NAV1: variants seen among roughly 807,000 people sequenced by gnomAD.
NAV1 encodes pore membrane and/or filament interacting like protein 3.
In NAV1, 18 loss-of-function variants were observed where a neutral mutation model predicts 175.2. The ratio of observed to expected loss-of-function variants is 0.10; its 90% CI spans 0.07 to 0.15. The LOEUF (loss-of-function observed/expected upper bound fraction) is 0.15, where lower values mean the gene tolerates loss of function less well. Ranked by LOEUF, NAV1 falls within the 10% of genes least tolerant of loss-of-function variation. The pLI, the probability that NAV1 is intolerant of heterozygous loss-of-function variation, is 1.00. For missense variants in NAV1, 1,731 were observed against 2,436.6 expected, an observed-to-expected ratio of 0.71 and a Z score of 6.10; for synonymous variants, 897 against 978.7, an observed-to-expected ratio of 0.92 and a Z score of 1.56.
intron 2 of NAV1, among the ~76,000 whole-genome samples, chr1:201,601,770 A>G (rs1190616251): frequency 6.6e-6 from 1 of 152,200 alleles, no homozygotes; most frequent in African/African-American, 2.4e-5. Flanking sequence ...AAAGCCACCC[A>G]GTCTGCAAAA....
chr1:201,567,825 G>A (rs1666402595), intron 1 of NAV1, among the ~76,000 whole-genome samples: 1 of 152,108 alleles, frequency 6.6e-6, no homozygotes, highest in Admixed American at 6.6e-5. Flanking sequence ...AAACCCCAAA[G>A]CCTTGTGTGT....
chr1:201,682,923 C>T (rs139615647), intron 1 of NAV1, among the ~76,000 whole-genome samples: 3 of 152,252 alleles, frequency 2.0e-5, no homozygotes, highest in African/African-American at 4.8e-5. Context: ...CCCCCGTTTC[C>T]CCTGTTGGTA....
chr1:201,627,038 C>T (rs1260926271), intron 1 of NAV1, among the ~76,000 whole-genome samples: 1 of 152,218 alleles, frequency 6.6e-6, no homozygotes, highest in Non-Finnish European at 1.5e-5. Flanking sequence ...CCCACTCTTG[C>T]ATCATATTAA....
chr1:201,618,905 G>A (rs78364450), upstream of NAV1, among the ~76,000 whole-genome samples: 2,633 of 152,224 alleles, frequency 0.017, 78 homozygotes, highest in African/African-American at 0.06. Flanking sequence ...GGCAAACCAG[G>A]AAAACTTCAT....
intron 2 of NAV1, among the ~76,000 whole-genome samples, chr1:201,611,522 G>C (rs936638433): frequency 2.0e-5 from 3 of 152,172 alleles, no homozygotes; most frequent in Admixed American, 1.3e-4. Context: ...GTGTGGTGTG[G>C]GGGAAGATAA....
At chr1:201,779,508 G>A (rs1676170193) in intron 3 of NAV1, among the ~76,000 whole-genome samples, 1 of 145,846 alleles carries the variant, frequency 6.9e-6, no homozygotes, top group Admixed American at 7.2e-5. Context: ...TGAAGCAGGA[G>A]AATTGCTTGA....
At position 201,564,450 on chromosome 1, in the gene NAV1, A is replaced by C. The variant is rs1666297502; in HGVS notation, c.-143-24089A>C. Among the ~76,000 whole-genome samples the C allele has an allele frequency of 3.3e-5, 5 of 152,268 alleles. 1 individual carries two copies. The South Asian group carries it at 1.0e-3, about 32-fold the overall frequency. On this transcript the variant is annotated intron_variant, in intron 1 of 33. Transcript: ENST00000685211. ...GGCAACATGGCGAAACCCCGTCTCTACTAAAAATACAAAAATTAGCTGGGT... is the reference window on the plus strand; with the variant it reads ...GGCAACATGGCGAAACCCCGTCTCTCCTAAAAATACAAAAATTAGCTGGGT...
intron 11 of NAV1, among the ~76,000 whole-genome samples, chr1:201,790,053 G>A (rs553822466): frequency 1.9e-4 from 29 of 152,290 alleles, no homozygotes; most frequent in African/African-American, 6.7e-4. Flanking sequence ...TTTGAAAAAT[G>A]GAGAATCCCC....
At position 201,807,366 on chromosome 1, in the gene NAV1, T is replaced by C. The variant is rs555951773; in HGVS notation, c.3649-587T>C. ...TTCTCGTGTTCTCCACAGAATCATA[T>C]TGTCAGTTTCTGGTTGACAGATGAC... On this transcript the variant is annotated intron_variant, in intron 17 of 29. Coordinates refer to ENST00000367296, the Ensembl canonical transcript of NAV1. This position sits in a 1 kb window ranked among gnomAD's most constrained non-coding sequence, Gnocchi z 5.4. 1.3e-5 allele frequency among the ~76,000 whole-genome samples: 2 copies of C among 152,344 alleles called. No homozygotes were observed. Among genetic ancestry groups the C allele is most frequent in the Admixed American group, 1.3e-4 (2 of 15,310 alleles).
chr1:201,765,381 C>CTTTTTTTTTTTTT (rs59583786), intron 3 of NAV1, among the ~76,000 whole-genome samples: 30 of 98,600 alleles, frequency 3.0e-4, no homozygotes, highest in African/African-American at 5.2e-4. Flanking sequence ...AGGAAATATT[C>CTTTTTTTTTTTTT]TTTTTTTTTT....
intron 1 of NAV1, among the ~76,000 whole-genome samples, chr1:201,548,731 A>G (rs1157554000): frequency 1.3e-5 from 2 of 152,258 alleles, no homozygotes; most frequent in African/African-American, 4.8e-5. Flanking sequence ...CAAAGGTACA[A>G]GATAACTCAT....
rs1174504619 is a variant in NAV1 at position 201,813,103 on chromosome 1, T to C, written c.5222-37T>C. The C allele has an allele frequency of 6.8e-7, 1 of 1,468,030 alleles. No individual in the cohort carries two copies. Among genetic ancestry groups the C allele is most frequent in the South Asian group, 1.1e-5 (1 of 87,438 alleles). The allele number at this position is 1,468,030 out of a possible 1,614,324, so 90.9% of individuals were successfully genotyped here. ...AGGCACACAACCGGGAAGATCTAGG[T>C]TCCCAGCCATCTTCATGGCCCCATC... On this transcript the variant is annotated intron_variant, in intron 27 of 29. Transcript: ENST00000367296. The surrounding 1 kb of genome is among the most constrained non-coding windows in gnomAD (Gnocchi z 4.2).
chr1:201,643,506 C>T (rs1056650969), upstream of NAV1, among the ~76,000 whole-genome samples: 2 of 151,656 alleles, frequency 1.3e-5, no homozygotes, highest in African/African-American at 4.9e-5. Flanking sequence ...ACCACAACCT[C>T]CGCCTCCCAG....
chr1:201,625,536 C>G (rs1350553257), intron 1 of NAV1, among the ~76,000 whole-genome samples: 1 of 152,238 alleles, frequency 6.6e-6, no homozygotes, highest in African/African-American at 2.4e-5. Context: ...GCAAAGTGCA[C>G]TGATGCTTCT....
intron 1 of NAV1, among the ~76,000 whole-genome samples, chr1:201,543,933 A>G (rs1038540093): frequency 4.6e-5 from 7 of 152,206 alleles, no homozygotes; most frequent in African/African-American, 1.7e-4. Context: ...TAAAGGGTTA[A>G]AGGGCTGTAT....
intron 5 of NAV1, among the ~76,000 whole-genome samples, chr1:201,781,676 A>T (rs959440381): frequency 6.6e-6 from 1 of 152,122 alleles, no homozygotes; most frequent in Non-Finnish European, 1.5e-5. Flanking sequence ...TTTTCATAGG[A>T]TACAGCTTGA....
intron 3 of NAV1, among the ~76,000 whole-genome samples, chr1:201,775,520 A>C (rs1053456029): frequency 6.6e-6 from 1 of 152,214 alleles, no homozygotes; most frequent in Non-Finnish European, 1.5e-5. Context: ...TGAGTGTCCC[A>C]GTCTTCCATA....
chr1:201,793,662 C>T, intron 13 of NAV1, 130 bp from the exon 18 acceptor site: 2 of 708,848 alleles, frequency 2.8e-6, no homozygotes, highest in Admixed American at 2.8e-5. Context: ...TTTTTTTAAC[C>T]ACCAAGAGGT....
chr1:201,751,637 A>G (rs1052585543), intron 3 of NAV1, among the ~76,000 whole-genome samples: 3 of 152,246 alleles, frequency 2.0e-5, no homozygotes, highest in Non-Finnish European at 2.9e-5. Flanking sequence ...AGATACTTCA[A>G]TACCTGATTC....
Sources: allele counts gnomAD v4.1 joint callset (sites outside exome capture counted in the v4.1 genomes callset), GRCh38; gene constraint gnomAD v4.1.1; non-coding constraint Gnocchi (gnomAD v3.1); transcripts MANE v1.5; gene names NCBI Gene and HGNC (gene_info 2026-07-23, HGNC 2026-07-21).